RASAL2: variants seen among roughly 807,000 people sequenced by gnomAD.
RASAL2 encodes ras GTPase-activating protein nGAP.
Under a neutral mutation model 128.9 loss-of-function variants are expected in RASAL2, and 58 were observed. The ratio of observed to expected loss-of-function variants is 0.45; its 90% CI spans 0.36 to 0.56. RASAL2 has a LOEUF of 0.56. Ranked by LOEUF, RASAL2 falls within the 20% of genes least tolerant of loss-of-function variation. The probability of loss-of-function intolerance (pLI) is 0.00; values close to 1 mark genes in which losing one functional copy is unlikely to be tolerated. For synonymous variants in RASAL2, 561 were observed against 580.8 expected (o/e 0.97, Z 0.49); for missense variants, 1,360 against 1,601.6 (o/e 0.85, Z 2.57).
chr1:178,162,410 A>ATTATATATAATATTATATATATT (rs1558088813), intron 1 of RASAL2, among the ~76,000 whole-genome samples: 24 of 119,650 alleles, frequency 2.0e-4, no homozygotes, highest in African/African-American at 6.3e-4. Context: ...TATTTTATAT[A>ATTATATATAATATTATATATATT]TTATATATAA....
At chr1:178,426,742 C>G (rs1484231500) in intron 5 of RASAL2, among the ~76,000 whole-genome samples, 1 of 151,982 alleles carries the variant, frequency 6.6e-6, no homozygotes, top group Non-Finnish European at 1.5e-5. Context: ...CTTGAAAATT[C>G]TGAGCGGAAA....
intron 5 of RASAL2, among the ~76,000 whole-genome samples, chr1:178,423,791 T>C (rs982145167): frequency 6.6e-6 from 1 of 152,202 alleles, no homozygotes; most frequent in African/African-American, 2.4e-5. Context: ...TGTTTTCTTC[T>C]TCTGTGACTT....
At chr1:178,379,981 T>G (rs1030653176) in intron 3 of RASAL2, among the ~76,000 whole-genome samples, 33 of 152,250 alleles carry the variant, frequency 2.2e-4, no homozygotes, top group African/African-American at 7.5e-4. Context: ...GCGCCTTGCC[T>G]CCCAGCCTCA....
At chr1:178,155,949 T>C (rs1661070533) in intron 1 of RASAL2, among the ~76,000 whole-genome samples, 1 of 152,206 alleles carries the variant, frequency 6.6e-6, no homozygotes, top group South Asian at 2.1e-4. Context: ...TGTAAAACAA[T>C]GTTTGCTTGC....
At chr1:178,266,145 A>T (rs921460325) in intron 1 of RASAL2, among the ~76,000 whole-genome samples, 2 of 152,246 alleles carry the variant, frequency 1.3e-5, no homozygotes, top group Non-Finnish European at 2.9e-5. Flanking sequence ...CTAGATATGT[A>T]TACGTTCGGT....
chr1:178,443,203 A>T lies in RASAL2; in HGVS notation c.1456A>T (p.Ile486Phe). The T allele has an allele frequency of 1.2e-6, 2 of 1,611,536 alleles. No homozygotes were observed. The highest frequency in any genetic ancestry group is 1.1e-5 in the South Asian group (1 of 90,978). Reference protein sequence around the residue: ...KEELACALVHILQSTGRAKDF... With the variant: ...KEELACALVHFLQSTGRAKDF... ...GGAGTTGGCTTGTGCCTTAGTGCAC[A>T]TTCTTCAAAGTACTGGCAGAGCCAA... Residue 486 changes from isoleucine (I) to phenylalanine (F), a missense_variant, in exon 8 of 18, where the codon ATT becomes TTT. By Grantham distance (21) the Ile-to-Phe change is conservative (BLOSUM62 0). This residue lies in a region of RASAL2 where 617 missense variants were observed against 714.2 expected (regional missense o/e 0.86). Coordinates refer to ENST00000367649, the MANE Select transcript of RASAL2 (RefSeq NM_170692.4).
intron 4 of RASAL2, among the ~76,000 whole-genome samples, chr1:178,411,246 G>T (rs1282021959): frequency 6.6e-6 from 1 of 151,592 alleles, no homozygotes; most frequent in African/African-American, 2.4e-5. Context: ...AATGGCATTC[G>T]CAGAAACCTG....
chr1:178,267,906 A>C (rs140058227), intron 1 of RASAL2, among the ~76,000 whole-genome samples: 26 of 151,830 alleles, frequency 1.7e-4, no homozygotes, highest in African/African-American at 6.0e-4. Context: ...TCATTCTTGG[A>C]ATTCCTTTTG....
At position 178,099,921 on chromosome 1, in the gene RASAL2, C is replaced by T. The variant is rs191880526; in HGVS notation, c.202+5227C>T. ...AGATTGCAGTGAGCTGTGATTCCAC[C>T]GTTGCACTGCAGCCTGGGTGACAGA... is the stretch of plus-strand genomic sequence containing the variant. On this transcript the variant is annotated intron_variant, in intron 1 of 17. Coordinates refer to ENST00000367649, the MANE Select transcript of RASAL2 (RefSeq NM_170692.4). 3.3e-5 allele frequency among the ~76,000 whole-genome samples: 5 copies of T among 151,838 alleles called. No individual in the cohort carries two copies. The East Asian group carries it at 5.8e-4, about 18-fold the overall frequency.
intron 1 of RASAL2, among the ~76,000 whole-genome samples, chr1:178,230,667 C>T (rs941735723): frequency 6.6e-6 from 1 of 152,138 alleles, no homozygotes; most frequent in South Asian, 2.1e-4. Flanking sequence ...AAGAGGAGAT[C>T]GAGGCAAGTT....
chr1:178,223,600 A>C (rs1055288392), intron 1 of RASAL2, among the ~76,000 whole-genome samples: 2 of 152,184 alleles, frequency 1.3e-5, no homozygotes, highest in Admixed American at 6.5e-5. Context: ...GTAAGTGGGA[A>C]ACCATTGAAT....
At chr1:178,275,874 G>A (rs991878507) in intron 1 of RASAL2, among the ~76,000 whole-genome samples, 6 of 152,134 alleles carry the variant, frequency 3.9e-5, no homozygotes, top group Admixed American at 1.3e-4. Context: ...CAAGTAGGTC[G>A]GAAATTAAGC....
chr1:178,436,359 A>G (rs1011933696), intron 5 of RASAL2, among the ~76,000 whole-genome samples: 1 of 152,076 alleles, frequency 6.6e-6, no homozygotes, highest in African/African-American at 2.4e-5. Flanking sequence ...TATTAATTAA[A>G]ATTTCGGTAA....
intron 1 of RASAL2, among the ~76,000 whole-genome samples, chr1:178,111,766 G>A (rs542211507): frequency 6.6e-6 from 1 of 152,164 alleles, no homozygotes; most frequent in African/African-American, 2.4e-5. Flanking sequence ...GTCTTGCTTT[G>A]TCACCCAGGT....
In RASAL2 at chr1:178,126,841, G is replaced by C. The variant is rs75922016; in HGVS notation, c.202+32147G>C. Among the ~76,000 whole-genome samples the C allele has an allele frequency of 3.3e-3, 504 of 152,230 alleles. 4 individuals are homozygous for C. Among genetic ancestry groups the C allele is most frequent in the African/African-American group, 0.012 (489 of 41,538 alleles). Reference sequence around the variant, plus strand: ...GCTTCAGGTTTGTGCTCAGAAACAGGGTGTGTCATTCATTACATAGCATGC... The same window carrying C: ...GCTTCAGGTTTGTGCTCAGAAACAGCGTGTGTCATTCATTACATAGCATGC... On this transcript the variant is annotated intron_variant, in intron 1 of 17. Transcript: ENST00000367649.
At chr1:178,200,255 T>C (rs914480963) in intron 1 of RASAL2, among the ~76,000 whole-genome samples, 7 of 152,152 alleles carry the variant, frequency 4.6e-5, no homozygotes, top group African/African-American at 1.7e-4. Flanking sequence ...GTTGGCTGCT[T>C]AATACGAATA....
chr1:178,289,395 G>T (rs539875222), intron 2 of RASAL2, among the ~76,000 whole-genome samples: 2 of 152,024 alleles, frequency 1.3e-5, no homozygotes, highest in East Asian at 1.9e-4. Context: ...TTTCCTTAGG[G>T]ATCTCATCTC....
chr1:178,319,626 C>T (rs995889400), intron 3 of RASAL2, among the ~76,000 whole-genome samples: 3 of 148,810 alleles, frequency 2.0e-5, no homozygotes, highest in Middle Eastern at 3.4e-3. Context: ...AGTTCTCGAG[C>T]CTTGGTTTTC....
At chr1:178,258,145 T>G (rs1665470314) in intron 1 of RASAL2, among the ~76,000 whole-genome samples, 1 of 151,560 alleles carries the variant, frequency 6.6e-6, no homozygotes, top group Admixed American at 6.6e-5. Context: ...ATACTAAAAA[T>G]TAGCCAGGCA....
Sources: gnomAD v4.1 joint callset for allele counts (sites outside exome capture counted in the v4.1 genomes callset) on GRCh38, gnomAD v4.1.1 for gene constraint, gnomAD v4.1.1 regional missense constraint, MANE v1.5 for transcripts, NCBI Gene and HGNC (gene_info 2026-07-23, HGNC 2026-07-21) for gene names.